The following NEURL3 variants were observed in gnomAD, a reference collection of about 807,000 sequenced individuals.
NEURL3 encodes the protein neuralized E3 ubiquitin protein ligase 3, also known as E3 ubiquitin-protein ligase NEURL3.
NEURL3 carries 19 observed loss-of-function variants against 17.6 expected under a neutral mutation model. The ratio of observed to expected loss-of-function variants is 1.08; its 90% CI spans 0.75 to 1.58. The LOEUF (loss-of-function observed/expected upper bound fraction) is 1.58. Among genes scored for constraint, NEURL3 ranks in the 40% most tolerant of loss-of-function variants. The probability of loss-of-function intolerance (pLI) is 0.00; values close to 1 mark genes in which losing one functional copy is unlikely to be tolerated. For missense variants in NEURL3, 342 were observed against 379.6 expected (o/e 0.90, Z 0.82); for synonymous variants, 180 against 161.4 (o/e 1.11, Z -0.87).
Position 96,500,763 on chromosome 2 carries a change from G to T in NEURL3, c.190C>A (p.Arg64=), listed in dbSNP as rs148787671. The change falls in exon 2 of 4, where the codon CGA becomes AGA. Residue 64 remains arginine (R), a synonymous_variant. Transcript: ENST00000451794. ...CAGCCGCTCTCCTCCCGCAGCACTCGCAGCGCCACACGCTCGCCCAGGCGC... is the reference window on the plus strand; with the variant it reads ...CAGCCGCTCTCCTCCCGCAGCACTCTCAGCGCCACACGCTCGCCCAGGCGC... The part of the protein sequence containing the change: ...PVRLGERVAL[R]VLREESGWCG... 3.5e-5 allele frequency: 53 copies of T among 1,525,036 alleles called. No homozygotes were observed. Among genetic ancestry groups the T allele is most frequent in the Middle Eastern group, 2.2e-4 (1 of 4,576 alleles). 94.5% of individuals were successfully genotyped at this position (1,525,036 alleles called of 1,614,324 possible).
chr2:96,500,433 C>T lies in NEURL3; in HGVS notation c.514+6G>A, dbSNP rs1471141041. ...CTCCCCTGCGGGGTCCCCATGGTCGCCTCACCCAGCAGCTCGATGGCCTTA... is the reference window on the plus strand; with the variant it reads ...CTCCCCTGCGGGGTCCCCATGGTCGTCTCACCCAGCAGCTCGATGGCCTTA... On this transcript the variant is annotated splice_donor_region_variant and intron_variant, in intron 2 of 3. Coordinates refer to ENST00000451794, the MANE Select transcript of NEURL3 (RefSeq NM_001285485.2). The T allele has an allele frequency of 7.5e-6, 12 of 1,597,162 alleles. No homozygotes were observed. Among genetic ancestry groups the T allele is most frequent in the Non-Finnish European group, 9.3e-6 (11 of 1,179,250 alleles).
At chr2:96,506,874 T>C (rs753892040), upstream of NEURL3, among the ~76,000 whole-genome samples, 1 of 152,126 alleles carries the variant, frequency 6.6e-6, no homozygotes, top group African/African-American at 2.4e-5. Flanking sequence ...AGTGGGACCT[T>C]GGGCCATGAG....
At chr2:96,502,038 T>G (rs184901576) in intron 1 of NEURL3, among the ~76,000 whole-genome samples, 1 of 152,040 alleles carries the variant, frequency 6.6e-6, no homozygotes, top group Non-Finnish European at 1.5e-5. Flanking sequence ...CAGGACACGT[T>G]TGCGGTGACA....
rs181134507 is a variant in NEURL3 at position 96,505,313 on chromosome 2, C to T, written c.-27G>A. 63 of 1,599,018 alleles carry T rather than the reference C, an allele frequency of 3.9e-5. No individual in the cohort carries two copies. The African/African-American group carries it at 7.7e-4, about 20-fold the overall frequency. ...AGTCTAAGGTCCTCGGGCACAGGTC[C>T]CCAGGTCTAGAAGGAACTGCCTGGA... On this transcript the variant is annotated 5_prime_UTR_variant, in exon 1 of 4. Coordinates refer to ENST00000451794, the MANE Select transcript of NEURL3 (RefSeq NM_001285485.2).
Position 96,505,341 on chromosome 2 carries a change from A to C in NEURL3, c.-55T>G. On this transcript the variant is annotated 5_prime_UTR_variant, in exon 1 of 4. Transcript: ENST00000451794. Reference sequence around the variant, plus strand: ...AGGTCTAGAAGGAACTGCCTGGAGAAGGCCAGTGGACAGGTTACCAAAGAT... The same window carrying C: ...AGGTCTAGAAGGAACTGCCTGGAGACGGCCAGTGGACAGGTTACCAAAGAT... The C allele has an allele frequency of 6.3e-7, 1 of 1,581,576 alleles. No individual in the cohort carries two copies. Among genetic ancestry groups the C allele is most frequent in the Non-Finnish European group, 8.6e-7 (1 of 1,164,242 alleles).
Position 96,500,845 on chromosome 2 carries a change from G to A in NEURL3, c.108C>T (p.Cys36=), listed in dbSNP as rs886306422. The part of the protein sequence containing the change: ...GAQVRLDTRG[C]IAHRRTTFHD... ...GGAACGTGGTGCGCCTGTGCGCGAT[G>A]CAGCCACGCGTGTCCAGACGCACCT... is the stretch of plus-strand genomic sequence containing the variant. The change falls in exon 2 of 4, where the codon TGC becomes TGT. Residue 36 remains cysteine (C), a synonymous_variant. Transcript: ENST00000451794. 1 of 1,532,304 alleles carries A rather than the reference G, an allele frequency of 6.5e-7. No individual in the cohort carries two copies. The highest frequency in any genetic ancestry group is 1.4e-5 in the African/African-American group (1 of 72,458). The allele number at this position is 1,532,304 out of a possible 1,614,324, so 94.9% of individuals were successfully genotyped here. A position where few individuals can be genotyped will look rare whatever the true frequency, so the allele number is the denominator to read the frequency against.
At chr2:96,502,739 G>T (rs1049988199) in intron 1 of NEURL3, among the ~76,000 whole-genome samples, 6 of 152,362 alleles carry the variant, frequency 3.9e-5, no homozygotes, top group Non-Finnish European at 5.9e-5. Flanking sequence ...AATGGCCCTG[G>T]ACGAGGGGCG....
chr2:96,498,382 G>T lies in NEURL3; in HGVS notation c.651C>A (p.Cys217Ter), dbSNP rs572594097. The change falls in exon 4 of 4, where the codon TGC becomes TGA. Residue 217 changes from cysteine (C) to a stop codon, truncating the protein, a stop_gained. Coordinates refer to ENST00000451794, the MANE Select transcript of NEURL3 (RefSeq NM_001285485.2). LOFTEE classifies it low-confidence loss of function (END_TRUNC). The surrounding 1 kb of genome is among the most constrained non-coding windows in gnomAD (Gnocchi z 4.4). ...AGTATCTGCAGAAGTATGTGTGGCCGCAGGGCACAAGGCGGGTGTTGGCAG... is the reference window on the plus strand; with the variant it reads ...AGTATCTGCAGAAGTATGTGTGGCCTCAGGGCACAAGGCGGGTGTTGGCAG... ...YHAANTRLVP[C>*]GHTYFCRYCA... 1 of 1,599,392 alleles carries T rather than the reference G, an allele frequency of 6.3e-7. No homozygotes were observed. The highest frequency in any genetic ancestry group is 1.7e-5 in the Admixed American group (1 of 60,010).
In NEURL3 at chr2:96,500,528, C is replaced by G; in HGVS notation, c.425G>C (p.Arg142Pro). The G allele has an allele frequency of 6.3e-7, 1 of 1,579,172 alleles. No homozygotes were observed. Among genetic ancestry groups the G allele is most frequent in the Non-Finnish European group, 8.5e-7 (1 of 1,171,266 alleles). The change falls in exon 2 of 4, where the codon CGG (arginine) becomes CCG (proline). Residue 142 changes from arginine to proline, a missense_variant. By Grantham distance (103) the Arg-to-Pro change is moderately radical (BLOSUM62 -2). Transcript: ENST00000451794. The part of the protein sequence containing the change: ...CLFAKVNAGC[R>P]LLLREGVPVG... ...GGGCACGCCCTCACGCAGCAGGAGC[C>G]GGCAGCCGGCGTTGACCTTGGCGAA... is the stretch of plus-strand genomic sequence containing the variant.
intron 1 of NEURL3, among the ~76,000 whole-genome samples, chr2:96,503,024 G>A (rs2065525044): frequency 6.6e-6 from 1 of 152,236 alleles, no homozygotes; most frequent in Non-Finnish European, 1.5e-5. Context: ...TGCTCATTGG[G>A]GATGGAGTTT....
In NEURL3 at chr2:96,500,497, GCCGACGGGCA is replaced by G. The variant is rs757150111; in HGVS notation, c.446_455del (p.Val149AlafsTer7). Reference sequence around the variant, plus strand: ...CGTCCATCACGGCCCAGAGCGGGGCGCCGACGGGCACGCCCTCACGCAGCAGGAGCCGGCA... The same window carrying G: ...CGTCCATCACGGCCCAGAGCGGGGCGCGCCCTCACGCAGCAGGAGCCGGCA... On this transcript the variant is annotated frameshift_variant, in exon 2 of 4. Transcript: ENST00000451794. LOFTEE classifies it high-confidence loss of function. 1.3e-6 allele frequency: 2 copies of G among 1,594,178 alleles called. No individual in the cohort carries two copies. The highest frequency in any genetic ancestry group is 8.5e-7 in the Non-Finnish European group (1 of 1,178,130).
Position 96,499,356 on chromosome 2 carries a change from T to C in NEURL3, c.586+22A>G, listed in dbSNP as rs541503396. On this transcript the variant is annotated intron_variant, in intron 3 of 3. Transcript: ENST00000451794. ...AGGTGCTGGATTCCCGGGGAGTCCCTGATTCTTGGGAAGGCACTCACCTTT... is the reference window on the plus strand; with the variant it reads ...AGGTGCTGGATTCCCGGGGAGTCCCCGATTCTTGGGAAGGCACTCACCTTT... The C allele has an allele frequency of 4.1e-5, 66 of 1,598,574 alleles. No individual in the cohort carries two copies. In the South Asian group the frequency reaches 6.9e-4, roughly 17 times the overall value.
intron 1 of NEURL3, among the ~76,000 whole-genome samples, chr2:96,503,035 C>A (rs2065525071): frequency 6.6e-6 from 1 of 152,210 alleles, no homozygotes; most frequent in African/African-American, 2.4e-5. Context: ...GATGGAGTTT[C>A]CACCCTACCC....
chr2:96,505,221 C>G, intron 1 of NEURL3, 38 bp downstream of exon 1: 1 of 1,598,790 alleles, frequency 6.3e-7, no homozygotes, highest in Non-Finnish European at 8.5e-7. Context: ...ACCCCCAGTC[C>G]AGAGACCAAG....
At chr2:96,502,697 G>A (rs2065521758) in intron 1 of NEURL3, among the ~76,000 whole-genome samples, 1 of 152,274 alleles carries the variant, frequency 6.6e-6, no homozygotes, top group Admixed American at 6.5e-5. Context: ...CTGGAGAGAA[G>A]CCCTGGAGTG....
rs1174481811 is a variant in NEURL3 at position 96,500,730 on chromosome 2, C to T, written c.223G>A (p.Gly75Ser). ...AGGCGCGTGAAGCCCACGCGGAGGC[C>T]GCCGCACCAGCCGCTCTCCTCCCGC... ...VLREESGWCG[G>S]LRVGFTRLDP... is the part of the protein sequence containing the mutation. The change falls in exon 2 of 4, where the codon GGC becomes AGC. Residue 75 changes from glycine (G) to serine (S), a missense_variant. By Grantham distance (56) the Gly-to-Ser change is moderately conservative. Transcript: ENST00000451794. 2 of 1,517,752 alleles carry T rather than the reference C, an allele frequency of 1.3e-6. No individual in the cohort carries two copies. Among genetic ancestry groups the T allele is most frequent in the African/African-American group, 2.8e-5 (2 of 71,464 alleles). 94.0% of individuals were successfully genotyped at this position (1,517,752 alleles called of 1,614,324 possible). A position where few individuals can be genotyped will look rare whatever the true frequency, so the allele number is the denominator to read the frequency against.
intron 3 of NEURL3, chr2:96,499,130 A>AT: frequency 2.4e-6 from 3 of 1,263,558 alleles, no homozygotes; most frequent in Non-Finnish European, 3.1e-6. Flanking sequence ...AATGTGGATG[A>AT]TTTTTTAAAG....
chr2:96,505,487 C>T (rs746334566), upstream of NEURL3: 1 of 615,136 alleles, frequency 1.6e-6, no homozygotes, highest in Non-Finnish European at 2.9e-6. Context: ...GACTCGCAGA[C>T]TGACCTGCTG....
intron 3 of NEURL3, 92 bp downstream of exon 3, chr2:96,499,286 T>A: frequency 3.2e-6 from 5 of 1,545,462 alleles, no homozygotes; most frequent in Non-Finnish European, 4.4e-6. Flanking sequence ...TGTGAGAGAC[T>A]TGAATGAACA....
Sources: allele counts gnomAD v4.1 joint callset (sites outside exome capture counted in the v4.1 genomes callset), GRCh38; gene constraint gnomAD v4.1.1; non-coding constraint Gnocchi (gnomAD v3.1); transcripts MANE v1.5; gene names NCBI Gene and HGNC (gene_info 2026-07-23, HGNC 2026-07-21).